The following NDRG1 variants were observed in gnomAD, a reference collection of about 807,000 sequenced individuals.
NDRG1 encodes N-myc downstream regulated 1.
In NDRG1, 32 loss-of-function variants were observed where a neutral mutation model predicts 56.9. The ratio of observed to expected loss-of-function variants is 0.56; its 90% CI spans 0.42 to 0.76. The LOEUF is 0.76. Among genes scored for constraint, NDRG1 ranks in the 30% least tolerant of loss-of-function variants. The pLI is 0.00. For synonymous variants in NDRG1, 211 were observed against 204.1 expected, an observed-to-expected ratio of 1.03 and a Z score of -0.29; for missense variants, 507 against 545.7, an observed-to-expected ratio of 0.93 and a Z score of 0.71.
intron 10 of NDRG1, chr8:133,249,529 G>C (rs1004396580): frequency 3.9e-5 from 6 of 153,076 alleles, no homozygotes; most frequent in Non-Finnish European, 5.8e-5. Flanking sequence ...ATTTGGAGAG[G>C]GGTCAGTTAA....
At chr8:133,284,462 T>A in intron 1 of NDRG1, 133 bp from the exon 2 acceptor site, 2 of 753,894 alleles carry the variant, frequency 2.7e-6, no homozygotes, top group Non-Finnish European at 4.6e-6. Context: ...CGTGATGCAC[T>A]GCAGGGGATG....
In NDRG1 at chr8:133,238,921, G is replaced by T. The variant is rs1483879990; in HGVS notation, c.1142C>A (p.Ala381Asp). 1.3e-6 allele frequency: 2 copies of T among 1,563,174 alleles called. No homozygotes were observed. The highest frequency in any genetic ancestry group is 8.7e-7 in the Non-Finnish European group (1 of 1,154,332). Residue 381 changes from alanine (A) to aspartate (D), a missense_variant, in exon 16 of 16, where the codon GCT (alanine) becomes GAT (aspartate). Transcript: ENST00000323851. ...HLDITPNSGAAGNSAGPKSME... is the reference protein window; with the variant it reads ...HLDITPNSGADGNSAGPKSME... ...GGACTTGGGCCCGGCGCTGTTCCCA[G>T]CAGCACCCGAGTTGGGGGTGATGTC...
intron 1 of NDRG1, chr8:133,296,678 T>TCCGTTCCC (rs1268668252): frequency 7.6e-6 from 3 of 396,658 alleles, no homozygotes; most frequent in Non-Finnish European, 1.5e-5. Flanking sequence ...GCGCAATCTC[T>TCCGTTCCC]CCGTTCCCAG....
At chr8:133,250,073 G>A (rs1193798704) in intron 10 of NDRG1, among the ~76,000 whole-genome samples, 1 of 152,188 alleles carries the variant, frequency 6.6e-6, no homozygotes, top group Non-Finnish European at 1.5e-5. Context: ...GATTATCCCC[G>A]GCCTCCAGGA....
At chr8:133,240,905 C>G (rs965328231) in intron 15 of NDRG1, 5 of 152,314 alleles carry the variant, frequency 3.3e-5, no homozygotes, top group African/African-American at 1.2e-4. Context: ...CCTGCAACTT[C>G]CGTCGGGGAA....
intron 9 of NDRG1, among the ~76,000 whole-genome samples, chr8:133,251,959 A>G (rs751034665): frequency 8.5e-5 from 13 of 152,358 alleles, no homozygotes; most frequent in East Asian, 5.8e-4. Flanking sequence ...CCACTAGCCA[A>G]GGAATGCCGA....
At chr8:133,244,723 G>T (rs1855573249) in intron 13 of NDRG1, 1 of 482,504 alleles carries the variant, frequency 2.1e-6, no homozygotes, top group African/African-American at 1.9e-5. Flanking sequence ...GAGCTTGAGG[G>T]ACTCGCAAGG....
intron 3 of NDRG1, among the ~76,000 whole-genome samples, chr8:133,266,229 C>T (rs1856913474): frequency 6.6e-6 from 1 of 152,250 alleles, no homozygotes; most frequent in Admixed American, 6.5e-5. Flanking sequence ...GACCCGCCCG[C>T]AAGCGGCGCA....
At chr8:133,284,399 G>A (rs750213103) in intron 1 of NDRG1, 70 bp from the exon 2 acceptor site, 48 of 1,445,990 alleles carry the variant, frequency 3.3e-5, no homozygotes, top group Non-Finnish European at 4.5e-5. Context: ...GCAAATCCAA[G>A]ACCAATGGCA....
At chr8:133,241,079 C>T (rs770277270) in intron 15 of NDRG1, 13 of 152,222 alleles carry the variant, frequency 8.5e-5, no homozygotes, top group Non-Finnish European at 1.9e-4. Flanking sequence ...CTGCAGTCAG[C>T]TTACCAAGCA....
intron 12 of NDRG1, 123 bp downstream of exon 12, chr8:133,247,752 C>CA: frequency 9.2e-7 from 1 of 1,088,298 alleles, no homozygotes; most frequent in Non-Finnish European, 1.4e-6. Flanking sequence ...TATGGCATTT[C>CA]AAAAAACATC....
intron 1 of NDRG1, among the ~76,000 whole-genome samples, chr8:133,291,633 G>C (rs1160094547): frequency 6.6e-6 from 1 of 152,154 alleles, no homozygotes; most frequent in East Asian, 1.9e-4. Context: ...TTAGAGGTTA[G>C]GGAACTGTAT....
intron 3 of NDRG1, among the ~76,000 whole-genome samples, chr8:133,276,229 C>A (rs1586474098): frequency 6.6e-6 from 1 of 152,216 alleles, no homozygotes; most frequent in South Asian, 2.1e-4. Context: ...GCCTGAGCCA[C>A]ATAGGTTGAC....
chr8:133,256,950 G>T, intron 7 of NDRG1, 87 bp from the exon 8 acceptor site: 3 of 1,328,086 alleles, frequency 2.3e-6, no homozygotes, highest in Non-Finnish European at 2.1e-6. Flanking sequence ...CTTGAGAGAA[G>T]TACCCAGAAA....
intron 3 of NDRG1, among the ~76,000 whole-genome samples, chr8:133,279,697 T>C (rs955632071): frequency 7.9e-5 from 12 of 152,222 alleles, no homozygotes; most frequent in African/African-American, 2.7e-4. Context: ...TTAGATTTCC[T>C]GAAGTTCTGA....
rs771095945 is a variant in NDRG1 at position 133,246,602 on chromosome 8, T to C, written c.855+14A>G. The C allele has an allele frequency of 5.6e-6, 9 of 1,613,998 alleles. No individual in the cohort carries two copies. In the South Asian group the frequency reaches 7.7e-5, roughly 14 times the overall value. ...AGAAATAACAAACACGAACCCCCAC[T>C]GTTTTCCCTGTACCTTGAGGAGAGT... On this transcript the variant is annotated intron_variant, in intron 13 of 15. Coordinates refer to ENST00000323851, the MANE Select transcript of NDRG1 (RefSeq NM_006096.4).
At chr8:133,246,136 T>C (rs1855665403) in intron 13 of NDRG1, among the ~76,000 whole-genome samples, 1 of 152,276 alleles carries the variant, frequency 6.6e-6, no homozygotes, top group Non-Finnish European at 1.5e-5. Context: ...GTGGTTTGCA[T>C]TGTGCAATCA....
chr8:133,278,887 CTTTTTTTT>C (rs34187643), intron 3 of NDRG1, among the ~76,000 whole-genome samples: 2 of 125,614 alleles, frequency 1.6e-5, no homozygotes, highest in African/African-American at 6.2e-5. Context: ...CTCTCTTCTT[CTTTTTTTT>C]TTTTTTTTTT....
Position 133,237,261 on chromosome 8 carries a change from C to T in NDRG1, c.*1617G>A, listed in dbSNP as rs1420972443. 4.4e-6 allele frequency: 1 copy of T among 229,864 alleles called. No individual in the cohort carries two copies. Among genetic ancestry groups the T allele is most frequent in the Non-Finnish European group, 8.6e-6 (1 of 116,024 alleles). 14.2% of individuals were successfully genotyped at this position (229,864 alleles called of 1,614,324 possible). ...TGGAAAGACTTGTGCACAATAGTTTCCCATCCGTACTCAGCCTCTCTTGCC... is the reference window on the plus strand; with the variant it reads ...TGGAAAGACTTGTGCACAATAGTTTTCCATCCGTACTCAGCCTCTCTTGCC... On this transcript the variant is annotated 3_prime_UTR_variant, in exon 16 of 16. Coordinates refer to ENST00000323851, the MANE Select transcript of NDRG1 (RefSeq NM_006096.4).
Sources: gnomAD v4.1 joint callset for allele counts (sites outside exome capture counted in the v4.1 genomes callset) on GRCh38, gnomAD v4.1.1 for gene constraint, MANE v1.5 for transcripts, NCBI Gene and HGNC (gene_info 2026-07-23, HGNC 2026-07-21) for gene names.